Variants in LRMDA observed in about 807,000 individuals in gnomAD.
LRMDA encodes leucine-rich melanocyte differentiation-associated protein.
LRMDA carries 18 observed loss-of-function variants against 29.8 expected under a neutral mutation model. The observed-to-expected ratio is 0.60, with a 90% CI of 0.42 to 0.90. The LOEUF is 0.90. LRMDA is among the 40% of genes least tolerant of loss of function. The probability of loss-of-function intolerance (pLI) is 0.00; values close to 1 mark genes in which losing one functional copy is unlikely to be tolerated. For synonymous variants in LRMDA, 125 were observed against 109.4 expected, an observed-to-expected ratio of 1.14 and a Z score of -0.89; for missense variants, 273 against 273.9, an observed-to-expected ratio of 1.00 and a Z score of 0.02.
intron 2 of LRMDA, among the ~76,000 whole-genome samples, chr10:75,812,800 A>G (rs895671242): frequency 6.6e-6 from 1 of 152,196 alleles, no homozygotes; most frequent in Non-Finnish European, 1.5e-5. Flanking sequence ...CATGTGTTCT[A>G]TATGCTTGGG....
At chr10:76,058,808 C>T (rs1343709476) in intron 5 of LRMDA, 25 bp downstream of exon 5, 1 of 1,548,788 alleles carries the variant, frequency 6.5e-7, no homozygotes, top group Non-Finnish European at 8.9e-7. Flanking sequence ...TGCTGTTCTT[C>T]ACAAGGGATT....
chr10:76,324,591 G>A, intron 6 of LRMDA, 106 bp downstream of exon 6: 1 of 981,648 alleles, frequency 1.0e-6, no homozygotes, highest in Non-Finnish European at 1.6e-6. Flanking sequence ...AAAGAACACA[G>A]TGCTTTTTAA....
At chr10:75,919,029 G>A (rs562094340) in intron 2 of LRMDA, among the ~76,000 whole-genome samples, 9 of 152,292 alleles carry the variant, frequency 5.9e-5, no homozygotes, top group Admixed American at 2.0e-4. Flanking sequence ...TGGGCTTTAC[G>A]TATCTTAAAT....
intron 2 of LRMDA, among the ~76,000 whole-genome samples, chr10:75,652,161 A>G (rs1212098288): frequency 1.3e-5 from 2 of 151,968 alleles, no homozygotes; most frequent in African/African-American, 2.4e-5. Context: ...CATTGCAGCC[A>G]TGGGCACTCA....
intron 5 of LRMDA, among the ~76,000 whole-genome samples, chr10:76,231,870 C>T (rs1051373450): frequency 6.6e-6 from 1 of 152,162 alleles, no homozygotes. Flanking sequence ...GCTTTCTTAT[C>T]AGTTTCTATA....
At chr10:76,552,859 TCC>T (rs1438975933) in intron 6 of LRMDA, among the ~76,000 whole-genome samples, 1 of 152,022 alleles carries the variant, frequency 6.6e-6, no homozygotes, top group East Asian at 1.9e-4. Context: ...TCTCAGGGCC[TCC>T]CCCAGCAAAA....
At chr10:75,644,280 G>A (rs919488076) in intron 2 of LRMDA, among the ~76,000 whole-genome samples, 1 of 152,130 alleles carries the variant, frequency 6.6e-6, no homozygotes, top group Non-Finnish European at 1.5e-5. Flanking sequence ...ATGACTGTGG[G>A]GCAGCTGCCC....
intron 2 of LRMDA, among the ~76,000 whole-genome samples, chr10:75,496,894 A>C (rs1845050688): frequency 6.6e-6 from 1 of 151,982 alleles, no homozygotes; most frequent in South Asian, 2.1e-4. Context: ...TGTATACATG[A>C]GGGGTATATA....
rs1289232138 is a variant in LRMDA at position 75,691,101 on chromosome 10, T to C, written c.131+252607T>C. ...AGATCTATATATCTATGTACATAGA[T>C]ATATAGATCTATATATCTATATACA... On this transcript the variant is annotated intron_variant, in intron 2 of 6. Transcript: ENST00000611255. 9.8e-5 allele frequency among the ~76,000 whole-genome samples: 8 copies of C among 81,252 alleles called. 1 individual carries two copies. Among genetic ancestry groups the C allele is most frequent in the Non-Finnish European group, 1.7e-4 (8 of 46,166 alleles). 53.3% of individuals were successfully genotyped at this position (81,252 alleles called of 152,430 possible).
chr10:75,985,761 C>T (rs977580684), intron 2 of LRMDA, among the ~76,000 whole-genome samples: 3 of 152,108 alleles, frequency 2.0e-5, no homozygotes, highest in African/African-American at 7.2e-5. Flanking sequence ...CCCTGGGGCA[C>T]ATCAGGGTAC....
At chr10:76,229,815 C>A (rs942652711) in intron 5 of LRMDA, among the ~76,000 whole-genome samples, 1 of 152,104 alleles carries the variant, frequency 6.6e-6, no homozygotes, top group Non-Finnish European at 1.5e-5. Context: ...GAGCACCCAA[C>A]CTGGGTGTGT....
At chr10:76,185,638 G>A (rs1349823015) in intron 5 of LRMDA, among the ~76,000 whole-genome samples, 1 of 152,196 alleles carries the variant, frequency 6.6e-6, no homozygotes, top group Admixed American at 6.5e-5. Context: ...AGGGATATGT[G>A]AAAGCGTTGG....
intron 2 of LRMDA, among the ~76,000 whole-genome samples, chr10:75,528,015 A>G (rs942041905): frequency 6.6e-6 from 1 of 151,864 alleles, no homozygotes; most frequent in Admixed American, 6.6e-5. Context: ...TGAACTCCTG[A>G]GCTCAAGCAA....
chr10:76,056,795 A>C (rs1050458685), intron 4 of LRMDA, among the ~76,000 whole-genome samples: 1 of 152,130 alleles, frequency 6.6e-6, no homozygotes, highest in Non-Finnish European at 1.5e-5. Flanking sequence ...CCCCAAGAGC[A>C]CAGGGATGCC....
intron 6 of LRMDA, among the ~76,000 whole-genome samples, chr10:76,402,747 C>T (rs1841862552): frequency 9.2e-5 from 14 of 152,162 alleles, no homozygotes. Flanking sequence ...TATTTTCACA[C>T]CTAAGAATTA....
intron 5 of LRMDA, among the ~76,000 whole-genome samples, chr10:76,113,315 G>A (rs1849610725): frequency 6.6e-6 from 1 of 152,026 alleles, no homozygotes; most frequent in Non-Finnish European, 1.5e-5. Flanking sequence ...GGTGGCAGAC[G>A]CAGTTGAGGG....
chr10:75,578,730 A>C (rs1840544887), intron 2 of LRMDA, among the ~76,000 whole-genome samples: 1 of 152,140 alleles, frequency 6.6e-6, no homozygotes, highest in Non-Finnish European at 1.5e-5. Flanking sequence ...AGAACTCAGG[A>C]TTAAGAAACG....
intron 2 of LRMDA, among the ~76,000 whole-genome samples, chr10:76,023,835 T>C (rs769545027): frequency 9.2e-5 from 14 of 152,270 alleles, no homozygotes; most frequent in Non-Finnish European, 1.8e-4. Context: ...CTGAGGCAAC[T>C]AATTTCTTCC....
intron 2 of LRMDA, among the ~76,000 whole-genome samples, chr10:75,509,850 C>G (rs531498860): frequency 6.6e-6 from 1 of 152,342 alleles, no homozygotes; most frequent in African/African-American, 2.4e-5. Context: ...GATGAACTTA[C>G]AGCCCCAGTC....
Sources: gnomAD v4.1 joint callset for allele counts (sites outside exome capture counted in the v4.1 genomes callset) on GRCh38, gnomAD v4.1.1 for gene constraint, MANE v1.5 for transcripts, NCBI Gene and HGNC (gene_info 2026-07-23, HGNC 2026-07-21) for gene names.